NBEA: variants seen among roughly 807,000 people sequenced by gnomAD.
The protein encoded by NBEA is lysosomal-trafficking regulator 2.
Under a neutral mutation model 343.4 loss-of-function variants are expected in NBEA, and 44 were observed. The ratio of observed to expected loss-of-function variants is 0.13; its 90% confidence interval spans 0.10 to 0.16. The LOEUF (loss-of-function observed/expected upper bound fraction) is 0.16. Among genes scored for constraint, NBEA ranks in the 10% least tolerant of loss-of-function variants. The pLI is 1.00. For synonymous variants in NBEA, 1,175 were observed against 1,238.7 expected (o/e 0.95, Z 1.08); for missense variants, 2,555 against 3,631.3 (o/e 0.70, Z 7.62).
chr13:35,515,393 C>T (rs1403911584), intron 41 of NBEA, among the ~76,000 whole-genome samples: 2 of 152,098 alleles, frequency 1.3e-5, no homozygotes, highest in East Asian at 1.9e-4. Flanking sequence ...TAGCCACCTC[C>T]CTTTTTATCA....
intron 1 of NBEA, among the ~76,000 whole-genome samples, chr13:35,024,786 C>T (rs117549460): frequency 0.069 from 10,444 of 152,262 alleles, 521 homozygotes; most frequent in South Asian, 0.18. Flanking sequence ...TAATTTACAT[C>T]CCACCAGCAG....
intron 10 of NBEA, among the ~76,000 whole-genome samples, chr13:35,093,016 C>T (rs1405155603): frequency 6.6e-6 from 1 of 151,918 alleles, no homozygotes; most frequent in African/African-American, 2.4e-5. Flanking sequence ...AGAATGGACT[C>T]GATGTATGTA....
intron 36 of NBEA, among the ~76,000 whole-genome samples, chr13:35,342,451 G>T (rs576122385): frequency 1.3e-5 from 2 of 151,994 alleles, no homozygotes; most frequent in Non-Finnish European, 2.9e-5. Context: ...CAAGAGAACA[G>T]CAACTAAGAA....
intron 41 of NBEA, chr13:35,475,407 C>G: frequency 4.3e-6 from 7 of 1,613,708 alleles, no homozygotes; most frequent in East Asian, 4.5e-5. Flanking sequence ...TTCTGCAGCC[C>G]CCCATCTGCA....
intron 10 of NBEA, among the ~76,000 whole-genome samples, chr13:35,076,665 G>T (rs1279174364): frequency 2.6e-5 from 4 of 151,812 alleles, no homozygotes; most frequent in Admixed American, 2.6e-4. Context: ...CACCTTTTTG[G>T]CAATAAGATT....
chr13:35,541,725 G>GGGGTGTGTGT (rs149705241), intron 41 of NBEA, among the ~76,000 whole-genome samples: 2 of 145,144 alleles, frequency 1.4e-5, no homozygotes, highest in African/African-American at 5.1e-5. Flanking sequence ...GGTCTGCATG[G>GGGGTGTGTGT]GTGTGTGTGT....
In NBEA at chr13:35,646,451, G is replaced by C. The variant is rs932250112; in HGVS notation, c.7770+103G>C. On this transcript the variant is annotated intron_variant, in intron 51 of 58. Coordinates refer to ENST00000379939, the MANE Select transcript of NBEA (RefSeq NM_001385012.1). Reference sequence around the variant, plus strand: ...AACAGCATATTTTAAAAGGCTTCTCGATTTATTGGTTAACTCTTCAGCCTA... The same window carrying C: ...AACAGCATATTTTAAAAGGCTTCTCCATTTATTGGTTAACTCTTCAGCCTA... 3.7e-6 allele frequency: 3 copies of C among 819,786 alleles called. No individual in the cohort carries two copies. The Admixed American group carries it at 6.5e-5, about 18-fold the overall frequency. The allele number at this position is 819,786 out of a possible 1,614,324, so 50.8% of individuals were successfully genotyped here.
intron 36 of NBEA, among the ~76,000 whole-genome samples, chr13:35,335,608 T>G (rs2039204131): frequency 6.6e-6 from 1 of 152,124 alleles, no homozygotes; most frequent in African/African-American, 2.4e-5. Flanking sequence ...CAACTTACAG[T>G]ATTTTAGACT....
chr13:35,138,432 T>C (rs937911936), intron 17 of NBEA, among the ~76,000 whole-genome samples: 8 of 151,952 alleles, frequency 5.3e-5, no homozygotes, highest in African/African-American at 1.7e-4. Flanking sequence ...TGGCTAACAT[T>C]AGTTAATGGA....
At chr13:35,145,651 G>T (rs1422434313) in intron 18 of NBEA, among the ~76,000 whole-genome samples, 1 of 152,216 alleles carries the variant, frequency 6.6e-6, no homozygotes, top group Non-Finnish European at 1.5e-5. Context: ...TTCAGGATTA[G>T]TTCGCTCAAA....
chr13:35,657,762 T>A (rs547091792), intron 55 of NBEA, among the ~76,000 whole-genome samples: 3 of 152,192 alleles, frequency 2.0e-5, no homozygotes, highest in Admixed American at 1.3e-4. Context: ...TTAGAAAAAA[T>A]TTAAAAGAAA....
chr13:34,970,941 T>C (rs2059979309), intron 1 of NBEA, among the ~76,000 whole-genome samples: 1 of 152,220 alleles, frequency 6.6e-6, no homozygotes, highest in African/African-American at 2.4e-5. Flanking sequence ...GCGAATAGCA[T>C]TGAATCTGTA....
intron 10 of NBEA, among the ~76,000 whole-genome samples, chr13:35,083,326 T>C (rs2064530548): frequency 6.6e-6 from 1 of 151,484 alleles, no homozygotes; most frequent in Non-Finnish European, 1.5e-5. Context: ...TGTAGCCTTG[T>C]AGTATAGTTT....
chr13:35,477,462 C>T (rs2075926910), intron 41 of NBEA, among the ~76,000 whole-genome samples: 1 of 152,154 alleles, frequency 6.6e-6, no homozygotes, highest in Non-Finnish European at 1.5e-5. Flanking sequence ...CAGGACACAA[C>T]GCTATATATG....
At chr13:35,394,882 A>G (rs2042670910) in intron 38 of NBEA, among the ~76,000 whole-genome samples, 1 of 152,144 alleles carries the variant, frequency 6.6e-6, no homozygotes, top group South Asian at 2.1e-4. Flanking sequence ...TTTAAAAAAT[A>G]TAAATATTTA....
intron 48 of NBEA, among the ~76,000 whole-genome samples, chr13:35,607,540 C>T (rs893354042): frequency 5.9e-5 from 9 of 152,082 alleles, no homozygotes; most frequent in African/African-American, 7.2e-5. Flanking sequence ...AAACCAATGA[C>T]GCCAAATATA....
At position 35,077,501 on chromosome 13, in the gene NBEA, T is replaced by C. The variant is rs151159501; in HGVS notation, c.1571+6649T>C. Among the ~76,000 whole-genome samples the C allele has an allele frequency of 3.8e-3, 573 of 152,270 alleles. 3 individuals are homozygous for C. The highest frequency in any genetic ancestry group is 0.013 in the African/African-American group (553 of 41,548). On this transcript the variant is annotated intron_variant, in intron 10 of 58. Transcript: ENST00000379939. ...GAATAATTAAAATATTAGCTGTTCC[T>C]GTATTTCCCACATACAATCTATCAT...
In NBEA at chr13:35,490,884, A is replaced by G. The variant is rs541543692; in HGVS notation, c.6585+18348A>G. ...GTTAGCAGAGTTAAGATTTTCATCT[A>G]TGCCATCTGGCCCCAGGCTCCAGAG... On this transcript the variant is annotated intron_variant, in intron 41 of 58. Coordinates refer to ENST00000379939, the MANE Select transcript of NBEA (RefSeq NM_001385012.1). Among the ~76,000 whole-genome samples, 27 of 152,024 alleles carry G rather than the reference A, an allele frequency of 1.8e-4. No individual in the cohort carries two copies. The South Asian group carries it at 4.6e-3, about 26-fold the overall frequency.
In NBEA at chr13:34,942,760, G is replaced by A; in HGVS notation, c.-61G>A. 7.8e-7 allele frequency: 1 copy of A among 1,281,384 alleles called. No individual in the cohort carries two copies. Among genetic ancestry groups the A allele is most frequent in the East Asian group, 3.2e-5 (1 of 31,586 alleles). The allele number at this position is 1,281,384 out of a possible 1,614,324, so 79.4% of individuals were successfully genotyped here. A position where few individuals can be genotyped will look rare whatever the true frequency, so the allele number is the denominator to read the frequency against. ...GGCCGGGGGGCGGGGGCCGAGGCAG[G>A]TATAACGGTACCGGCGGCGGCAGCG... On this transcript the variant is annotated 5_prime_UTR_variant, in exon 1 of 59. Coordinates refer to ENST00000379939, the MANE Select transcript of NBEA (RefSeq NM_001385012.1).
Sources: allele counts gnomAD v4.1 joint callset (sites outside exome capture counted in the v4.1 genomes callset), GRCh38; gene constraint gnomAD v4.1.1; transcripts MANE v1.5; gene names NCBI Gene and HGNC (gene_info 2026-07-23, HGNC 2026-07-21).